Variants in ESR1 observed in about 807,000 individuals in gnomAD.
ESR1 encodes the protein estrogen receptor 1, also known as estrogen receptor.
ESR1 carries 12 observed loss-of-function variants against 52.7 expected under a neutral mutation model. The observed-to-expected ratio is 0.23, with a 90% CI of 0.15 to 0.37. The LOEUF (loss-of-function observed/expected upper bound fraction) is 0.37, where lower values mean the gene tolerates loss of function less well. Ranked by LOEUF, ESR1 falls within the 10% of genes least tolerant of loss-of-function variation. ESR1 has a pLI of 1.00. For synonymous variants in ESR1, 305 were observed against 316.8 expected, an observed-to-expected ratio of 0.96 and a Z score of 0.39; for missense variants, 584 against 779.7, an observed-to-expected ratio of 0.75 and a Z score of 2.99.
At chr6:152,010,370 T>G (rs2042666556) in intron 4 of ESR1, among the ~76,000 whole-genome samples, 1 of 152,000 alleles carries the variant, frequency 6.6e-6, no homozygotes, top group African/African-American at 2.4e-5. Flanking sequence ...AATAAAAGTG[T>G]AATATTCATG....
chr6:151,775,606 T>G (rs1785901436), intron 2 of ESR1, among the ~76,000 whole-genome samples: 1 of 151,868 alleles, frequency 6.6e-6, no homozygotes, highest in East Asian at 1.9e-4. Flanking sequence ...AAATTAGCTG[T>G]GCCGTGGCGG....
At chr6:151,875,841 A>G (rs773166935) in intron 2 of ESR1, among the ~76,000 whole-genome samples, 6 of 152,176 alleles carry the variant, frequency 3.9e-5, no homozygotes, top group African/African-American at 7.2e-5. Context: ...AAGGAAAAAC[A>G]TAAGAGCTTT....
chr6:152,100,827 T>A lies in ESR1; in HGVS notation c.*1861T>A, dbSNP rs866006274. 2.6e-5 allele frequency: 6 copies of A among 230,878 alleles called. No homozygotes were observed. The highest frequency in any genetic ancestry group is 1.3e-3 in the Middle Eastern group (1 of 798). The allele number at this position is 230,878 out of a possible 1,614,324, so 14.3% of individuals were successfully genotyped here. On this transcript the variant is annotated 3_prime_UTR_variant, in exon 8 of 8. Transcript: ENST00000206249. ...TTAAATTTGGGGACAATTTTATGTA[T>A]CTGTGTTAAGGATATGTTTAAGAAC...
intron 1 of ESR1, among the ~76,000 whole-genome samples, chr6:151,701,457 A>G (rs1479929162): frequency 7.1e-6 from 1 of 140,180 alleles, no homozygotes; most frequent in African/African-American, 2.7e-5. Context: ...TGAACCCAGG[A>G]GGTGGAGGTT....
Position 152,004,184 on chromosome 6 carries a change from A to G in ESR1, c.1097-7472A>G, listed in dbSNP as rs368081594. ...TAACTACAATATGGTACACACACAG[A>G]CACACAGGATGACTAAACTGTGCAC... On this transcript the variant is annotated intron_variant, in intron 4 of 7. Transcript: ENST00000206249. 5.3e-5 allele frequency among the ~76,000 whole-genome samples: 8 copies of G among 152,184 alleles called. No homozygotes were observed. The East Asian group carries it at 9.7e-4, about 18-fold the overall frequency.
intron 1 of ESR1, among the ~76,000 whole-genome samples, chr6:151,836,049 G>A (rs1783276882): frequency 6.6e-6 from 1 of 152,112 alleles, no homozygotes; most frequent in Non-Finnish European, 1.5e-5. Context: ...AATGATTGGA[G>A]GCAGGAGAGT....
intron 5 of ESR1, 70 bp downstream of exon 5, chr6:152,011,864 T>G: frequency 6.5e-7 from 1 of 1,538,524 alleles, no homozygotes; most frequent in Non-Finnish European, 8.9e-7. Context: ...GAAACTATTT[T>G]ATTCATCTCT....
At chr6:151,868,838 TCTC>T (rs768648132) in intron 2 of ESR1, among the ~76,000 whole-genome samples, 9 of 152,112 alleles carry the variant, frequency 5.9e-5, no homozygotes, top group Non-Finnish European at 1.3e-4. Context: ...GGGAGGAACT[TCTC>T]CTACGAAGTT....
chr6:152,022,328 G>C (rs1364808493), intron 5 of ESR1, among the ~76,000 whole-genome samples: 1 of 152,210 alleles, frequency 6.6e-6, no homozygotes, highest in Non-Finnish European at 1.5e-5. Context: ...AGACAGGAGA[G>C]AGGTAGATGT....
chr6:151,707,887 A>G (rs1374751838), intron 2 of ESR1, among the ~76,000 whole-genome samples: 1 of 152,094 alleles, frequency 6.6e-6, no homozygotes, highest in Non-Finnish European at 1.5e-5. Context: ...TATAATAGGT[A>G]ATTTCCACTA....
intron 4 of ESR1, among the ~76,000 whole-genome samples, chr6:152,003,512 A>G (rs2042114652): frequency 6.6e-6 from 1 of 151,940 alleles, no homozygotes; most frequent in African/African-American, 2.4e-5. Context: ...TTCCCATGAA[A>G]CAAGTAAAAT....
At chr6:151,798,584 G>T (rs1436051747) in intron 2 of ESR1, among the ~76,000 whole-genome samples, 1 of 152,092 alleles carries the variant, frequency 6.6e-6, no homozygotes, top group East Asian at 1.9e-4. Flanking sequence ...AATCTTTCCA[G>T]TTCTTTTAAA....
exon 7 of ESR1, chr6:152,125,544 A>C (rs1214259873): frequency 5.9e-6 from 4 of 676,834 alleles, no homozygotes; most frequent in African/African-American, 5.4e-5. Context: ...CTACCCACAA[A>C]CTTTGGATCA....
upstream of ESR1, among the ~76,000 whole-genome samples, chr6:151,801,844 C>A (rs547030579): frequency 6.6e-6 from 1 of 152,232 alleles, no homozygotes; most frequent in Non-Finnish European, 1.5e-5. Flanking sequence ...GCCTAGTAAC[C>A]TGCATGCCCA....
intron 2 of ESR1, among the ~76,000 whole-genome samples, chr6:151,728,197 T>A (rs958216723): frequency 1.3e-5 from 2 of 152,110 alleles, no homozygotes; most frequent in African/African-American, 4.8e-5. Context: ...TCCTTCTCTA[T>A]AAAGGAGGAT....
chr6:151,744,940 G>T (rs1350322063), intron 2 of ESR1, among the ~76,000 whole-genome samples: 1 of 152,082 alleles, frequency 6.6e-6, no homozygotes, highest in Non-Finnish European at 1.5e-5. Flanking sequence ...CTATCCAGTT[G>T]TCCGAGCACT....
chr6:152,031,175 A>C (rs899535045), intron 5 of ESR1, among the ~76,000 whole-genome samples: 2 of 152,266 alleles, frequency 1.3e-5, no homozygotes, highest in Non-Finnish European at 2.9e-5. Flanking sequence ...AAATGCCCGC[A>C]AGAGAAAGCA....
chr6:151,867,048 A>G (rs1790043676), intron 2 of ESR1, among the ~76,000 whole-genome samples: 1 of 152,190 alleles, frequency 6.6e-6, no homozygotes, highest in Admixed American at 6.5e-5. Context: ...GTGTTGGGAA[A>G]ACTGACTAGC....
Position 151,944,249 on chromosome 6 carries a change from A to C in ESR1, c.837A>C (p.Glu279Asp). The change falls in exon 4 of 8, where the codon GAA becomes GAC. Residue 279 changes from glutamate to aspartate, a missense_variant. Coordinates refer to ENST00000206249, the MANE Select transcript of ESR1 (RefSeq NM_000125.4). The stretch of plus-strand genomic sequence containing the variant: ...GAGATGATGGGGAGGGCAGGGGTGA[A>C]GTGGGGTCTGCTGGAGACATGAGAG... ...RQRDDGEGRG[E>D]VGSAGDMRAA... is the part of the protein sequence containing the mutation. 6.2e-7 allele frequency: 1 copy of C among 1,614,152 alleles called. No individual in the cohort carries two copies. Among genetic ancestry groups the C allele is most frequent in the Non-Finnish European group, 8.5e-7 (1 of 1,180,018 alleles).
Sources: gnomAD v4.1 joint callset for allele counts (sites outside exome capture counted in the v4.1 genomes callset) on GRCh38, gnomAD v4.1.1 for gene constraint, MANE v1.5 for transcripts, NCBI Gene and HGNC (gene_info 2026-07-23, HGNC 2026-07-21) for gene names.